The following SLC22A24 variants were observed in gnomAD, a reference collection of about 807,000 sequenced individuals.
SLC22A24 encodes the protein steroid transmembrane transporter SLC22A24.
A neutral mutation model predicts 49.8 loss-of-function variants in SLC22A24; 53 were observed. That is an observed-to-expected ratio of 1.06 (90% CI 0.85 to 1.34). SLC22A24 has a LOEUF of 1.34. Among genes scored for constraint, SLC22A24 ranks in the 40% most tolerant of loss-of-function variants. The pLI, the probability that SLC22A24 is intolerant of heterozygous loss-of-function variation, is 0.00. For synonymous variants in SLC22A24, 302 were observed against 256.4 expected (o/e 1.18, Z -1.70); for missense variants, 786 against 675.9 (o/e 1.16, Z -1.81).
chr11:63,135,076 TA>T (rs1191057211), intron 1 of SLC22A24, among the ~76,000 whole-genome samples: 5 of 152,300 alleles, frequency 3.3e-5, no homozygotes, highest in Middle Eastern at 3.4e-3. Flanking sequence ...TGCATTACCT[TA>T]TACACATTTT....
chr11:63,121,243 G>A (rs890878268), intron 2 of SLC22A24, among the ~76,000 whole-genome samples: 3 of 152,032 alleles, frequency 2.0e-5, no homozygotes, highest in Non-Finnish European at 4.4e-5. Flanking sequence ...GGATTATATG[G>A]GAACACTCTA....
intron 4 of SLC22A24, among the ~76,000 whole-genome samples, chr11:63,108,366 G>C (rs1430123114): frequency 6.6e-6 from 1 of 152,152 alleles, no homozygotes; most frequent in Non-Finnish European, 1.5e-5. Context: ...TCATATCAAT[G>C]TTCATCAGGG....
chr11:63,099,428 C>T (rs1427327743), intron 5 of SLC22A24, among the ~76,000 whole-genome samples: 2 of 106,330 alleles, frequency 1.9e-5, no homozygotes, highest in Non-Finnish European at 1.7e-5. Flanking sequence ...GTTGCCTAGG[C>T]TGGTCTTGAA....
Position 63,104,223 on chromosome 11 carries a change from A to C in SLC22A24, c.906T>G (p.Val302=). ...LDEGLKELRR[V]AHINGKKNTE... is the part of the protein sequence containing the mutation. ...TATTCTTTTTTCCATTTATGTGTGC[A>C]ACTCTTCTAAGCTCCTTTAAGCCCT... is the stretch of plus-strand genomic sequence containing the variant. The change falls in exon 5 of 10, where the codon GTT becomes GTG. Residue 302 remains valine (V), a synonymous_variant. Transcript: ENST00000612278. The C allele has an allele frequency of 6.4e-7, 1 of 1,550,788 alleles. No individual in the cohort carries two copies. Among genetic ancestry groups the C allele is most frequent in the East Asian group, 2.4e-5 (1 of 40,896 alleles).
At chr11:63,135,018 T>C (rs1217619606) in intron 1 of SLC22A24, among the ~76,000 whole-genome samples, 1 of 152,222 alleles carries the variant, frequency 6.6e-6, no homozygotes, top group Admixed American at 6.5e-5. Context: ...TATCCACATG[T>C]CTACAAGTCT....
At chr11:63,115,575 C>T (rs1237718102) in intron 4 of SLC22A24, among the ~76,000 whole-genome samples, 2 of 152,196 alleles carry the variant, frequency 1.3e-5, no homozygotes, top group Non-Finnish European at 2.9e-5. Context: ...GCTGCACCCA[C>T]TGTCCAAGCA....
rs1318150623 is a variant in SLC22A24 at position 63,123,827 on chromosome 11, C to T, written c.507-4492G>A. On this transcript the variant is annotated intron_variant, in intron 2 of 9. Coordinates refer to ENST00000612278, the MANE Select transcript of SLC22A24 (RefSeq NM_001136506.2). Reference sequence around the variant, plus strand: ...TCTATCTTACCATCTCCCTTGATATCCCTTTAATTTACATTCTTATGATCT... The same window carrying T: ...TCTATCTTACCATCTCCCTTGATATTCCTTTAATTTACATTCTTATGATCT... Among the ~76,000 whole-genome samples the T allele has an allele frequency of 2.0e-5, 3 of 152,128 alleles. 1 individual carries two copies. The highest frequency in any genetic ancestry group is 2.9e-5 in the Non-Finnish European group (2 of 68,028).
At chr11:63,128,356 G>A (rs180971789) in intron 2 of SLC22A24, among the ~76,000 whole-genome samples, 2 of 152,156 alleles carry the variant, frequency 1.3e-5, no homozygotes, top group South Asian at 2.1e-4. Flanking sequence ...TGGTCTAGTC[G>A]TAGCGTCAGT....
chr11:63,133,461 A>C (rs369941289), intron 2 of SLC22A24, among the ~76,000 whole-genome samples: 11 of 152,268 alleles, frequency 7.2e-5, no homozygotes, highest in Non-Finnish European at 1.0e-4. Context: ...ATCCCAGGTC[A>C]CAATTTTTAA....
intron 1 of SLC22A24, among the ~76,000 whole-genome samples, chr11:63,137,460 T>C (rs79477002): frequency 0.017 from 2,564 of 152,280 alleles, 74 homozygotes; most frequent in African/African-American, 0.058. Context: ...AACAGGCCTG[T>C]CTCTCATGGT....
intron 5 of SLC22A24, 148 bp downstream of exon 5, chr11:63,104,027 G>A (rs992227886): frequency 1.5e-6 from 1 of 651,726 alleles, no homozygotes; most frequent in Non-Finnish European, 2.4e-6. Flanking sequence ...TCTTTGACAG[G>A]AGGAAAGATA....
At chr11:63,113,551 A>T (rs1353706480) in intron 4 of SLC22A24, among the ~76,000 whole-genome samples, 1 of 151,906 alleles carries the variant, frequency 6.6e-6, no homozygotes, top group African/African-American at 2.4e-5. Flanking sequence ...GGGGTTGAAA[A>T]TTCTTTTCTT....
intron 1 of SLC22A24, among the ~76,000 whole-genome samples, chr11:63,141,462 G>C (rs1392313846): frequency 6.6e-6 from 1 of 152,180 alleles, no homozygotes; most frequent in Non-Finnish European, 1.5e-5. Context: ...CCAAGGCTTT[G>C]ACTGGAATGG....
At chr11:63,127,242 C>T (rs1027809955) in intron 2 of SLC22A24, among the ~76,000 whole-genome samples, 7 of 152,058 alleles carry the variant, frequency 4.6e-5, no homozygotes, top group Non-Finnish European at 1.0e-4. Flanking sequence ...GGCTTTCGGT[C>T]CTTGTGATAG....
At chr11:63,087,215 C>T (rs1398968356) in intron 6 of SLC22A24, among the ~76,000 whole-genome samples, 3 of 152,076 alleles carry the variant, frequency 2.0e-5, no homozygotes, top group East Asian at 1.9e-4. Context: ...GGGTGATCTC[C>T]GCATTTTCAA....
At chr11:63,137,783 C>T (rs1171675918) in intron 1 of SLC22A24, 1 of 152,168 alleles carries the variant, frequency 6.6e-6, no homozygotes, top group East Asian at 1.9e-4. Flanking sequence ...AACCCCACAG[C>T]TATAGCACAA....
At chr11:63,128,665 CCTCT>C (rs377618735) in intron 2 of SLC22A24, among the ~76,000 whole-genome samples, 130 of 150,986 alleles carry the variant, frequency 8.6e-4, no homozygotes, top group Non-Finnish European at 1.6e-3. Flanking sequence ...TAAACTGTCT[CCTCT>C]CTCTCTCTCT....
intron 2 of SLC22A24, among the ~76,000 whole-genome samples, chr11:63,128,836 C>G (rs533388091): frequency 7.9e-5 from 12 of 152,242 alleles, no homozygotes; most frequent in Middle Eastern, 3.4e-3. Flanking sequence ...GGGCCACTAC[C>G]AGTCTCCGCG....
At chr11:63,135,141 A>G (rs2134682058) in intron 1 of SLC22A24, among the ~76,000 whole-genome samples, 1 of 152,304 alleles carries the variant, frequency 6.6e-6, no homozygotes, top group East Asian at 1.9e-4. Context: ...CAGGTACAAA[A>G]ATTTTAAAAA....
Sources: allele counts gnomAD v4.1 joint callset (sites outside exome capture counted in the v4.1 genomes callset), GRCh38; gene constraint gnomAD v4.1.1; transcripts MANE v1.5; gene names NCBI Gene and HGNC (gene_info 2026-07-23, HGNC 2026-07-21).